Variants in LIMCH1 observed in about 807,000 individuals in gnomAD.
LIMCH1 encodes LIM and calponin homology domains 1.
Under a neutral mutation model 176.5 loss-of-function variants are expected in LIMCH1, and 113 were observed. That is an observed-to-expected ratio of 0.64 (90% confidence interval 0.55 to 0.75). The LOEUF is 0.75. Among genes scored for constraint, LIMCH1 ranks in the 30% least tolerant of loss-of-function variants. LIMCH1 has a pLI of 0.00. For synonymous variants in LIMCH1, 619 were observed against 645.9 expected (o/e 0.96, Z 0.63); for missense variants, 1,674 against 1,814.9 (o/e 0.92, Z 1.41).
intron 7 of LIMCH1, among the ~76,000 whole-genome samples, chr4:41,622,555 G>C (rs2152831290): frequency 6.6e-6 from 1 of 152,248 alleles, no homozygotes; most frequent in South Asian, 2.1e-4. Context: ...GCACACTCAG[G>C]AATAATGGTC....
At chr4:41,577,629 T>C (rs1427171494) in intron 1 of LIMCH1, among the ~76,000 whole-genome samples, 2 of 152,048 alleles carry the variant, frequency 1.3e-5, no homozygotes, top group Non-Finnish European at 2.9e-5. Context: ...GGGGTCACCC[T>C]ATGTTGCTCA....
At position 41,520,157 on chromosome 4, in the gene LIMCH1, A is replaced by G. The variant is rs537504073; in HGVS notation, c.168-4252A>G. Among the ~76,000 whole-genome samples, 6 of 152,294 alleles carry G rather than the reference A, an allele frequency of 3.9e-5. No individual in the cohort carries two copies. In the South Asian group the frequency reaches 1.2e-3, roughly 32 times the overall value. ...TTTTACGAATCTTCTTATGCTTCAC[A>G]TTGAACTTAAGATAAAAAATCTAGA... On this transcript the variant is annotated intron_variant, in intron 2 of 26. Transcript: ENST00000313860.
chr4:41,603,098 T>C (rs1439437870), intron 2 of LIMCH1, among the ~76,000 whole-genome samples: 1 of 152,168 alleles, frequency 6.6e-6, no homozygotes, highest in East Asian at 1.9e-4. Flanking sequence ...CTTGCAGGAA[T>C]TCTTGACTGG....
intron 2 of LIMCH1, among the ~76,000 whole-genome samples, chr4:41,603,653 C>T (rs942801742): frequency 4.6e-5 from 7 of 152,212 alleles, no homozygotes; most frequent in African/African-American, 9.6e-5. Context: ...CTTTTTATAG[C>T]GTACTGTGGA....
chr4:41,466,700 C>T (rs755876341), intron 1 of LIMCH1, among the ~76,000 whole-genome samples: 81 of 152,226 alleles, frequency 5.3e-4, no homozygotes, highest in African/African-American at 1.3e-3. Context: ...TACATATTTT[C>T]GGAATATACC....
chr4:41,684,302 G>A lies in LIMCH1; in HGVS notation c.3846-95G>A, dbSNP rs1309830636. 2.9e-6 allele frequency: 3 copies of A among 1,027,248 alleles called. No homozygotes were observed. In the East Asian group the frequency reaches 7.5e-5, roughly 26 times the overall value. The allele number at this position is 1,027,248 out of a possible 1,614,324, so 63.6% of individuals were successfully genotyped here. On this transcript the variant is annotated intron_variant, in intron 26 of 31. Transcript: ENST00000503057. ...AGAGTCCCATCTCTTTTTTTATATT[G>A]TAATTGGTACTCCCATCCTTTAAGT...
At chr4:41,605,756 T>A in intron 3 of LIMCH1, 138 bp from the exon 4 acceptor site, 5 of 458,680 alleles carry the variant, frequency 1.1e-5, no homozygotes, top group African/African-American at 2.0e-5. Flanking sequence ...AATGGATACC[T>A]CATGGGTGGT....
At chr4:41,550,314 A>G (rs1010138320) in intron 1 of LIMCH1, among the ~76,000 whole-genome samples, 1 of 151,318 alleles carries the variant, frequency 6.6e-6, no homozygotes. Context: ...ATCAATTAAT[A>G]CCTGTTGACT....
chr4:41,410,542 A>G (rs938939012), intron 1 of LIMCH1, among the ~76,000 whole-genome samples: 12 of 152,088 alleles, frequency 7.9e-5, no homozygotes, highest in Non-Finnish European at 1.8e-4. Flanking sequence ...ACCACTTTAC[A>G]TCTCGACCAG....
chr4:41,472,731 A>C (rs982535462), intron 1 of LIMCH1, among the ~76,000 whole-genome samples: 2 of 152,176 alleles, frequency 1.3e-5, no homozygotes, highest in African/African-American at 4.8e-5. Flanking sequence ...CACCCATTGG[A>C]TAATTTTCCT....
At chr4:41,387,791 C>A (rs1247829583) in intron 1 of LIMCH1, among the ~76,000 whole-genome samples, 2 of 152,188 alleles carry the variant, frequency 1.3e-5, no homozygotes, top group Non-Finnish European at 2.9e-5. Context: ...TTTTGCCAGT[C>A]AAAACTTGAT....
At chr4:41,525,642 A>G (rs1294564935) in intron 3 of LIMCH1, among the ~76,000 whole-genome samples, 1 of 152,174 alleles carries the variant, frequency 6.6e-6, no homozygotes, top group Non-Finnish European at 1.5e-5. Context: ...GTTCTTCAGA[A>G]TCATGTAACC....
Position 41,628,686 on chromosome 4 carries a change from T to C in LIMCH1, c.1029-806T>C, listed in dbSNP as rs1014687308. 3.3e-5 allele frequency among the ~76,000 whole-genome samples: 5 copies of C among 152,366 alleles called. No individual in the cohort carries two copies. The South Asian group carries it at 1.0e-3, about 32-fold the overall frequency. On this transcript the variant is annotated intron_variant, in intron 8 of 31. Transcript: ENST00000503057. Reference sequence around the variant, plus strand: ...AGTTAGAAATAGACTTTTAATGGAATATTTATATATATAAATGCCACAGCT... The same window carrying C: ...AGTTAGAAATAGACTTTTAATGGAACATTTATATATATAAATGCCACAGCT...
At chr4:41,697,043 G>T in intron 31 of LIMCH1, 117 bp from the exon 32 acceptor site, 1 of 1,006,508 alleles carries the variant, frequency 9.9e-7, no homozygotes, top group South Asian at 1.4e-5. Flanking sequence ...GAAGTTTCTG[G>T]TCCCCAGGAA....
chr4:41,401,454 G>A (rs1168845254), intron 1 of LIMCH1, among the ~76,000 whole-genome samples: 2 of 152,196 alleles, frequency 1.3e-5, no homozygotes, highest in Non-Finnish European at 2.9e-5. Flanking sequence ...ATGGTTTGAA[G>A]TCAGGTAGCA....
At chr4:41,384,396 G>A (rs1248882314) in intron 1 of LIMCH1, among the ~76,000 whole-genome samples, 1 of 151,580 alleles carries the variant, frequency 6.6e-6, no homozygotes, top group East Asian at 1.9e-4. Context: ...TTTTAGTAGA[G>A]ACGGGGTTTC....
intron 1 of LIMCH1, among the ~76,000 whole-genome samples, chr4:41,421,461 A>C (rs1019507727): frequency 1.3e-5 from 2 of 152,206 alleles, no homozygotes; most frequent in African/African-American, 4.8e-5. Context: ...TGATTTTAAA[A>C]CATAAACTCA....
intron 2 of LIMCH1, 168 bp downstream of exon 2, chr4:41,599,194 G>A (rs905817724): frequency 1.9e-6 from 1 of 539,284 alleles, no homozygotes; most frequent in Non-Finnish European, 3.4e-6. Context: ...CTTTCCCTCT[G>A]TGCATAGCTT....
intron 1 of LIMCH1, among the ~76,000 whole-genome samples, chr4:41,477,407 C>T (rs1049916906): frequency 1.3e-5 from 2 of 152,160 alleles, no homozygotes; most frequent in Non-Finnish European, 2.9e-5. Flanking sequence ...GTGTTCCCCC[C>T]ACCATGACAA....
Sources: gnomAD v4.1 joint callset for allele counts (sites outside exome capture counted in the v4.1 genomes callset) on GRCh38, gnomAD v4.1.1 for gene constraint, MANE v1.5 for transcripts, NCBI Gene and HGNC (gene_info 2026-07-23, HGNC 2026-07-21) for gene names.